Variants in RELA observed in about 807,000 individuals in gnomAD.
RELA encodes transcription factor p65.
Under a neutral mutation model 56.7 loss-of-function variants are expected in RELA, and 14 were observed. The observed-to-expected ratio is 0.25, with a 90% CI of 0.16 to 0.39. The LOEUF (loss-of-function observed/expected upper bound fraction) is 0.39. Among genes scored for constraint, RELA ranks in the 10% least tolerant of loss-of-function variants. The pLI, the probability that RELA is intolerant of heterozygous loss-of-function variation, is 1.00. For synonymous variants in RELA, 315 were observed against 289.7 expected, an observed-to-expected ratio of 1.09 and a Z score of -0.89; for missense variants, 559 against 736.4, an observed-to-expected ratio of 0.76 and a Z score of 2.79.
rs1273726198 is a variant in RELA at position 65,653,805 on chromosome 11, A to C, written c.*573T>G. 2 of 166,860 alleles carry C rather than the reference A, an allele frequency of 1.2e-5. No individual in the cohort carries two copies. 10.3% of individuals were successfully genotyped at this position (166,860 alleles called of 1,614,324 possible). On this transcript the variant is annotated 3_prime_UTR_variant, in exon 11 of 11. Coordinates refer to ENST00000406246, the MANE Select transcript of RELA (RefSeq NM_021975.4). Reference sequence around the variant, plus strand: ...CAAACCCCTTCTGGATCCTGGAGAGAGCCAGTGCTGTTGCACTGGTTTCCT... The same window carrying C: ...CAAACCCCTTCTGGATCCTGGAGAGCGCCAGTGCTGTTGCACTGGTTTCCT...
Position 65,658,556 on chromosome 11 carries a change from C to G in RELA, c.665-57G>C. On this transcript the variant is annotated intron_variant, in intron 7 of 10. Coordinates refer to ENST00000406246, the MANE Select transcript of RELA (RefSeq NM_021975.4). The surrounding 1 kb of genome is among the most constrained non-coding windows in gnomAD (Gnocchi z 4.5). ...TGTGTCTAACCCTCCATGGTCTCCC[C>G]CTCAACTTCTGATGCTTGTCTTCTG... 1 of 1,475,460 alleles carries G rather than the reference C, an allele frequency of 6.8e-7. No homozygotes were observed. The highest frequency in any genetic ancestry group is 1.2e-5 in the South Asian group (1 of 82,204). 91.4% of individuals were successfully genotyped at this position (1,475,460 alleles called of 1,614,324 possible). A position where few individuals can be genotyped will look rare whatever the true frequency, so the allele number is the denominator to read the frequency against.
intron 4 of RELA, 148 bp downstream of exon 4, chr11:65,661,539 G>C: frequency 1.5e-6 from 1 of 679,250 alleles, no homozygotes; most frequent in Non-Finnish European, 2.4e-6. Flanking sequence ...ATAATTTCAA[G>C]ACAAAGGCAG....
intron 10 of RELA, 36 bp downstream of exon 10, chr11:65,655,652 A>C: frequency 6.3e-7 from 1 of 1,597,394 alleles, no homozygotes; most frequent in Non-Finnish European, 8.6e-7. Flanking sequence ...ACAGAGCTGA[A>C]CCTGTCGTTC....
intron 6 of RELA, 76 bp downstream of exon 6, chr11:65,659,590 G>A: frequency 6.3e-7 from 1 of 1,577,530 alleles, no homozygotes; most frequent in Non-Finnish European, 8.6e-7. Flanking sequence ...GCCTCTTGCA[G>A]GCCACACTCA....
In RELA at chr11:65,659,740, T is replaced by C; in HGVS notation, c.485A>G (p.Gln162Arg). The C allele has an allele frequency of 6.2e-7, 1 of 1,613,984 alleles. No individual in the cohort carries two copies. Residue 162 changes from glutamine to arginine, a missense_variant, in exon 6 of 11, where the codon CAG becomes CGG. Coordinates refer to ENST00000406246, the MANE Select transcript of RELA (RefSeq NM_021975.4). ...YDLNAVRLCF[Q>R]VTVRDPSGRP... ...GCCTGATGGGTCCCGCACTGTCACC[T>C]GGAAGCAGAGCCGCACAGCATTCAG...
chr11:65,655,273 C>G (rs1590931979), intron 10 of RELA: 1 of 570,674 alleles, frequency 1.8e-6, no homozygotes, highest in East Asian at 3.0e-5. Flanking sequence ...ATAAGCTGGA[C>G]TCCTCAGTTT....
upstream of RELA, among the ~76,000 whole-genome samples, chr11:65,663,369 C>G (rs1198426743): frequency 6.6e-6 from 1 of 152,212 alleles, no homozygotes; most frequent in South Asian, 2.1e-4. Context: ...GCTAAAGGTG[C>G]CTTTCGGTGG....
At chr11:65,656,080 T>G in intron 8 of RELA, 145 bp from the exon 9 acceptor site, 5 of 728,692 alleles carry the variant, frequency 6.9e-6, no homozygotes, top group South Asian at 5.9e-5. Context: ...AAGGGATGTG[T>G]GACACTCAGC....
In RELA at chr11:65,654,838, A is replaced by G; in HGVS notation, c.1196T>C (p.Met399Thr). ...QAPAPAPAPA[M>T]VSALAQAPAP... is the part of the protein sequence containing the mutation. Reference sequence around the variant, plus strand: ...TGGGGCCTGGGCCAGAGCTGATACCATGGCTGGAGCAGGGGCAGGGGCTGG... The same window carrying G: ...TGGGGCCTGGGCCAGAGCTGATACCGTGGCTGGAGCAGGGGCAGGGGCTGG... The change falls in exon 11 of 11, where the codon ATG (methionine) becomes ACG (threonine). Residue 399 changes from methionine to threonine, a missense_variant. Met to Thr is a moderately conservative substitution (Grantham distance 81). This residue lies in a region of RELA where 365 missense variants were observed against 387.5 expected (regional missense o/e 0.94). Coordinates refer to ENST00000406246, the MANE Select transcript of RELA (RefSeq NM_021975.4). The G allele has an allele frequency of 1.9e-6, 3 of 1,545,888 alleles. No individual in the cohort carries two copies. Among genetic ancestry groups the G allele is most frequent in the Non-Finnish European group, 2.6e-6 (3 of 1,139,542 alleles).
intron 4 of RELA, chr11:65,660,863 C>T (rs1324521937): frequency 6.6e-6 from 1 of 152,152 alleles, no homozygotes; most frequent in African/African-American, 2.4e-5. Flanking sequence ...ACGGTGAAAC[C>T]CTGTCTCTAC....
At chr11:65,655,956 A>G in intron 8 of RELA, 21 bp from the exon 9 acceptor site, 1 of 1,610,500 alleles carries the variant, frequency 6.2e-7, no homozygotes, top group Non-Finnish European at 8.5e-7. Flanking sequence ...AAGGGGGAGA[A>G]GTGGGACTTG....
chr11:65,657,264 A>G lies in RELA; in HGVS notation c.877+1023T>C, dbSNP rs1162506880. 2.0e-5 allele frequency among the ~76,000 whole-genome samples: 3 copies of G among 152,320 alleles called. No individual in the cohort carries two copies. In the East Asian group the frequency reaches 5.8e-4, roughly 29 times the overall value. ...AGACTGAGCTTGGTCTGTAAGACGC[A>G]AAACGGCTGCAGGGCTGAAGGGTAA... On this transcript the variant is annotated intron_variant, in intron 8 of 10. Coordinates refer to ENST00000406246, the MANE Select transcript of RELA (RefSeq NM_021975.4).
rs375859814 is a variant in RELA, at chr11:65,654,341, G to A, written c.*37C>T. 104 of 1,613,472 alleles carry A rather than the reference G, an allele frequency of 6.4e-5. No homozygotes were observed. The highest frequency in any genetic ancestry group is 1.3e-4 in the African/African-American group (10 of 74,948). On this transcript the variant is annotated 3_prime_UTR_variant, in exon 11 of 11. Transcript: ENST00000406246. ...TGCTTTTGGAGGGCTTCAATCCCCT[G>A]CAACCCAGTGCTCTGGGGAGGGCAG... is the stretch of plus-strand genomic sequence containing the variant.
rs745510018 is a variant in RELA, at chr11:65,654,593, C to A, written c.1441G>T (p.Gly481Cys). 1.5e-5 allele frequency: 25 copies of A among 1,613,268 alleles called. No homozygotes were observed. Among genetic ancestry groups the A allele is most frequent in the Middle Eastern group, 1.6e-4 (1 of 6,078 alleles). ...NSEFQQLLNQ[G>C]IPVAPHTTEP... is the part of the protein sequence containing the mutation. ...GTTGTGTGGGGGGCCACAGGTATGC[C>A]CTGGTTCAGCAGCTGCTGAAACTCG... Residue 481 changes from glycine to cysteine, a missense_variant, in exon 11 of 11, where the codon GGC (glycine) becomes TGC (cysteine). Physicochemically the swap from Gly to Cys is radical, Grantham distance 159. This residue lies in a region of RELA where 365 missense variants were observed against 387.5 expected (regional missense o/e 0.94). Transcript: ENST00000406246.
chr11:65,660,080 A>T (rs1856526199), intron 5 of RELA, 44 bp downstream of exon 5: 1 of 1,559,946 alleles, frequency 6.4e-7, no homozygotes, highest in Non-Finnish European at 8.8e-7. Context: ...CGGGCTGGGG[A>T]GGGTGACAGA....
Position 65,661,988 on chromosome 11 carries a change from G to A in RELA, c.135C>T (p.Ser45=), listed in dbSNP as rs1319462053. The A allele has an allele frequency of 6.2e-7, 1 of 1,613,848 alleles. No individual in the cohort carries two copies. Among genetic ancestry groups the A allele is most frequent in the Non-Finnish European group, 8.5e-7 (1 of 1,179,976 alleles). Residue 45 remains serine (S), a synonymous_variant, in exon 3 of 11, where the codon AGC becomes AGT. Coordinates refer to ENST00000406246, the MANE Select transcript of RELA (RefSeq NM_021975.4). ...RYKCEGRSAG[S]IPGERSTDTT... is the part of the protein sequence containing the mutation. ...TATCTGTGCTCCTCTCGCCTGGGAT[G>A]CTGCCCGCGGAGCGCCCCTCGCACT...
chr11:65,654,066 G>T lies in RELA; in HGVS notation c.*312C>A, dbSNP rs370309242. On this transcript the variant is annotated 3_prime_UTR_variant, in exon 11 of 11. Transcript: ENST00000406246. The stretch of plus-strand genomic sequence containing the variant: ...TTCTGTCTCTAGGAGAGTACCAGAA[G>T]CTGGAGGATGGGGATGGGGGACCCC... 6 of 428,290 alleles carry T rather than the reference G, an allele frequency of 1.4e-5. No homozygotes were observed. The highest frequency in any genetic ancestry group is 1.3e-4 in the South Asian group (6 of 47,538). 26.5% of individuals were successfully genotyped at this position (428,290 alleles called of 1,614,324 possible).
intron 8 of RELA, among the ~76,000 whole-genome samples, chr11:65,657,706 G>A (rs976748931): frequency 7.9e-5 from 12 of 152,168 alleles, no homozygotes; most frequent in Middle Eastern, 3.2e-3. Flanking sequence ...CTGTGCCCCC[G>A]TGCTTCTCTG....
chr11:65,654,082 G>A lies in RELA; in HGVS notation c.*296C>T, dbSNP rs1856350334. ...GTACCAGAAGCTGGAGGATGGGGATGGGGGACCCCAGAGTTCCCTACAGAG... is the reference window on the plus strand; with the variant it reads ...GTACCAGAAGCTGGAGGATGGGGATAGGGGACCCCAGAGTTCCCTACAGAG... On this transcript the variant is annotated 3_prime_UTR_variant, in exon 11 of 11. Coordinates refer to ENST00000406246, the MANE Select transcript of RELA (RefSeq NM_021975.4). 6 of 450,812 alleles carry A rather than the reference G, an allele frequency of 1.3e-5. No homozygotes were observed. In the Admixed American group the frequency reaches 2.1e-4, roughly 16 times the overall value. The allele number at this position is 450,812 out of a possible 1,614,324, so 27.9% of individuals were successfully genotyped here. A position where few individuals can be genotyped will look rare whatever the true frequency, so the allele number is the denominator to read the frequency against.
Sources: allele counts gnomAD v4.1 joint callset (sites outside exome capture counted in the v4.1 genomes callset), GRCh38; gene constraint gnomAD v4.1.1; regional missense constraint gnomAD v4.1.1; non-coding constraint Gnocchi (gnomAD v3.1); transcripts MANE v1.5; gene names NCBI Gene and HGNC (gene_info 2026-07-23, HGNC 2026-07-21).